Variants in UNC80 observed in about 807,000 individuals in gnomAD.
UNC80 encodes unc-80 subunit of NALCN channel complex, also known as protein unc-80 homolog.
Under a neutral mutation model 384.6 loss-of-function variants are expected in UNC80, and 164 were observed. The observed-to-expected ratio is 0.43, with a 90% CI of 0.38 to 0.49. The LOEUF (loss-of-function observed/expected upper bound fraction) is 0.49, where lower values mean the gene tolerates loss of function less well. Ranked by LOEUF, UNC80 falls within the 20% of genes least tolerant of loss-of-function variation. The pLI, the probability that UNC80 is intolerant of heterozygous loss-of-function variation, is 0.00. For missense variants in UNC80, 3,330 were observed against 4,143.0 expected, an observed-to-expected ratio of 0.80 and a Z score of 5.39; for synonymous variants, 1,486 against 1,527.8, an observed-to-expected ratio of 0.97 and a Z score of 0.64.
rs543693674 is a variant in UNC80 at position 209,980,959 on chromosome 2, C to A, written c.9119-1220C>A. 1.3e-4 allele frequency among the ~76,000 whole-genome samples: 20 copies of A among 152,032 alleles called. No homozygotes were observed. The South Asian group carries it at 4.1e-3, about 32-fold the overall frequency. On this transcript the variant is annotated intron_variant, in intron 59 of 64. Coordinates refer to ENST00000673920, the MANE Select transcript of UNC80 (RefSeq NM_001371986.1). ...TAAGACACATTTGTTTATTCTCTTTCCTGTGGACATATCTAAAAAGAAAAT... is the reference window on the plus strand; with the variant it reads ...TAAGACACATTTGTTTATTCTCTTTACTGTGGACATATCTAAAAAGAAAAT...
chr2:209,982,569 G>T (rs2093182220), intron 60 of UNC80: 4 of 338,292 alleles, frequency 1.2e-5, no homozygotes, highest in Admixed American at 9.5e-5. Context: ...TAGACACATG[G>T]TCTTCTTTCT....
chr2:209,830,244 T>C (rs1206218294), intron 15 of UNC80, among the ~76,000 whole-genome samples: 2 of 152,220 alleles, frequency 1.3e-5, no homozygotes, highest in African/African-American at 2.4e-5. Context: ...CCCAGGAATA[T>C]TGTTTGGTTT....
intron 26 of UNC80, among the ~76,000 whole-genome samples, chr2:209,889,840 A>C (rs186548125): frequency 2.6e-5 from 4 of 152,224 alleles, no homozygotes; most frequent in Admixed American, 6.5e-5. Context: ...TTATAGCTGC[A>C]TAGTATTCCA....
intron 36 of UNC80, among the ~76,000 whole-genome samples, chr2:209,928,364 C>T (rs1295560059): frequency 6.6e-6 from 1 of 151,908 alleles, no homozygotes; most frequent in Non-Finnish European, 1.5e-5. Context: ...AAATAATGCA[C>T]GTAAATATAT....
At chr2:209,974,090 G>A (rs529830310) in intron 56 of UNC80, among the ~76,000 whole-genome samples, 4 of 152,220 alleles carry the variant, frequency 2.6e-5, no homozygotes, top group African/African-American at 7.2e-5. Flanking sequence ...CTGGCAGTGG[G>A]GAATTTCAAA....
At chr2:209,791,917 G>A (rs534126495) in intron 6 of UNC80, among the ~76,000 whole-genome samples, 2 of 147,062 alleles carry the variant, frequency 1.4e-5, no homozygotes, top group African/African-American at 5.0e-5. Context: ...CAATATGATA[G>A]CCTCTAGGCC....
chr2:209,992,653 G>T (rs1247708823), intron 62 of UNC80, among the ~76,000 whole-genome samples: 3 of 152,112 alleles, frequency 2.0e-5, no homozygotes, highest in Admixed American at 2.0e-4. Context: ...AATTCTATTT[G>T]TTCCTTACCC....
chr2:209,920,887 G>A (rs1026159888), intron 33 of UNC80, among the ~76,000 whole-genome samples: 8 of 151,742 alleles, frequency 5.3e-5, no homozygotes, highest in African/African-American at 1.9e-4. Context: ...GAGCGCAGTG[G>A]TGTGATCCCG....
rs565834105 is a variant in UNC80, at chr2:209,950,313, T to G, written c.7287-3787T>G. 5.6e-4 allele frequency among the ~76,000 whole-genome samples: 85 copies of G among 152,242 alleles called. No homozygotes were observed. The South Asian group carries it at 0.017, about 30-fold the overall frequency. On this transcript the variant is annotated intron_variant, in intron 47 of 64. Transcript: ENST00000673920. ...AAGTACCTAAATTTATTGACAGAAA[T>G]TTGTTCCTGATATGCTTTTTTTAAA... is the stretch of plus-strand genomic sequence containing the variant.
chr2:209,855,309 G>C (rs768175290), intron 22 of UNC80, among the ~76,000 whole-genome samples: 6 of 151,918 alleles, frequency 3.9e-5, no homozygotes, highest in South Asian at 2.1e-4. Flanking sequence ...GCAGGGTTAG[G>C]GGGGCAGGGG....
chr2:209,881,163 G>T, intron 25 of UNC80, 69 bp downstream of exon 25: 1 of 1,482,758 alleles, frequency 6.7e-7, no homozygotes, highest in Non-Finnish European at 9.0e-7. Context: ...GGGTTTCCAA[G>T]ATTCACAGTT....
At chr2:209,813,182 CT>C (rs1329805007) in intron 7 of UNC80, among the ~76,000 whole-genome samples, 1 of 152,208 alleles carries the variant, frequency 6.6e-6, no homozygotes. Context: ...TGAACCTCAT[CT>C]ATTTCTATAG....
rs550811086 is a variant in UNC80, at chr2:209,780,669, C to T, written c.600+3110C>T. Reference sequence around the variant, plus strand: ...CCTGAGTTGTGCCAACCACAGATGACTCCAGATGTTGCCAAATGTTCACAG... The same window carrying T: ...CCTGAGTTGTGCCAACCACAGATGATTCCAGATGTTGCCAAATGTTCACAG... On this transcript the variant is annotated intron_variant, in intron 4 of 64. Coordinates refer to ENST00000673920, the MANE Select transcript of UNC80 (RefSeq NM_001371986.1). 4.6e-5 allele frequency among the ~76,000 whole-genome samples: 7 copies of T among 152,288 alleles called. No homozygotes were observed. The South Asian group carries it at 1.5e-3, about 32-fold the overall frequency.
In UNC80 at chr2:209,820,679, G is replaced by A. The variant is rs967602474; in HGVS notation, c.2331G>A (p.Lys777=). The change falls in exon 13 of 65, where the codon AAG becomes AAA. Residue 777 remains lysine, a splice_region_variant and synonymous_variant. Transcript: ENST00000673920. The part of the protein sequence containing the change: ...PYEKNDKNQE[K]DESTPVSNHR... Reference sequence around the variant, plus strand: ...AGAAGAATGATAAGAACCAAGAGAAGGTATGACTGAACCACCTTATGTGTC... The same window carrying A: ...AGAAGAATGATAAGAACCAAGAGAAAGTATGACTGAACCACCTTATGTGTC... 1.2e-5 allele frequency: 18 copies of A among 1,533,982 alleles called. No homozygotes were observed. Among genetic ancestry groups the A allele is most frequent in the Non-Finnish European group, 1.6e-5 (18 of 1,139,234 alleles).
intron 56 of UNC80, among the ~76,000 whole-genome samples, chr2:209,974,456 A>G (rs2092959580): frequency 6.6e-6 from 1 of 152,248 alleles, no homozygotes; most frequent in African/African-American, 2.4e-5. Flanking sequence ...CAGGAAGGAT[A>G]TGAGAAGACA....
chr2:209,881,199 A>G lies in UNC80; in HGVS notation c.4110+105A>G, dbSNP rs1175365189. 5 of 1,287,776 alleles carry G rather than the reference A, an allele frequency of 3.9e-6. No individual in the cohort carries two copies. In the African/African-American group the frequency reaches 7.5e-5, roughly 19 times the overall value. The allele number at this position is 1,287,776 out of a possible 1,614,324, so 79.8% of individuals were successfully genotyped here. On this transcript the variant is annotated intron_variant, in intron 25 of 64. Transcript: ENST00000673920. ...TTCTTAAATGTTCCATGGCTAGTGTATCACATAATTTTAAAAATTCAACCA... is the reference window on the plus strand; with the variant it reads ...TTCTTAAATGTTCCATGGCTAGTGTGTCACATAATTTTAAAAATTCAACCA...
At chr2:209,874,346 G>C (rs1309375705) in intron 23 of UNC80, among the ~76,000 whole-genome samples, 2 of 152,098 alleles carry the variant, frequency 1.3e-5, no homozygotes, top group Admixed American at 1.3e-4. Flanking sequence ...TTATTGAGAG[G>C]CTTCTCTGAA....
intron 7 of UNC80, among the ~76,000 whole-genome samples, chr2:209,803,880 C>T (rs1171362911): frequency 1.3e-5 from 2 of 152,084 alleles, no homozygotes; most frequent in African/African-American, 4.8e-5. Context: ...ATACAATGTG[C>T]ACCATCAAGT....
chr2:209,864,030 GTGT>G (rs377677378), intron 22 of UNC80, among the ~76,000 whole-genome samples: 2,002 of 116,192 alleles, frequency 0.017, 47 homozygotes, highest in African/African-American at 0.071. Context: ...GGGGGCTTTT[GTGT>G]TGTTGTTGAT....
Sources: gnomAD v4.1 joint callset for allele counts (sites outside exome capture counted in the v4.1 genomes callset) on GRCh38, gnomAD v4.1.1 for gene constraint, MANE v1.5 for transcripts, NCBI Gene and HGNC (gene_info 2026-07-23, HGNC 2026-07-21) for gene names.